Variants in ABLIM3 observed in about 807,000 individuals in gnomAD.
The protein encoded by ABLIM3 is actin-binding LIM protein 3.
Under a neutral mutation model 109.5 loss-of-function variants are expected in ABLIM3, and 61 were observed. That is an observed-to-expected ratio of 0.56 (90% CI 0.45 to 0.69). The LOEUF (loss-of-function observed/expected upper bound fraction) is 0.69, where lower values mean the gene tolerates loss of function less well. Among genes scored for constraint, ABLIM3 ranks in the 30% least tolerant of loss-of-function variants. The probability of loss-of-function intolerance (pLI) is 0.00; values close to 1 mark genes in which losing one functional copy is unlikely to be tolerated. For synonymous variants in ABLIM3, 300 were observed against 324.8 expected (o/e 0.92, Z 0.82); for missense variants, 796 against 889.5 (o/e 0.89, Z 1.34).
rs2918265 is a variant in ABLIM3 at position 149,230,713 on chromosome 5, C to G, written c.816+6C>G. The stretch of plus-strand genomic sequence containing the variant: ...GGGCAGAGAAGAAGTTAAAGGTAAG[C>G]AAGCTAGTAGATTCCAGACCAGCAC... On this transcript the variant is annotated splice_donor_region_variant and intron_variant, in intron 9 of 23. Coordinates refer to ENST00000309868, the MANE Select transcript of ABLIM3 (RefSeq NM_014945.5). 18 of 1,613,586 alleles carry G rather than the reference C, an allele frequency of 1.1e-5. No individual in the cohort carries two copies. Among genetic ancestry groups the G allele is most frequent in the Non-Finnish European group, 1.4e-5 (17 of 1,179,830 alleles).
chr5:149,248,440 C>T (rs1188104906), intron 18 of ABLIM3, among the ~76,000 whole-genome samples: 1 of 152,026 alleles, frequency 6.6e-6, no homozygotes, highest in Non-Finnish European at 1.5e-5. Flanking sequence ...GACTGTAATC[C>T]CAGCACTTTA....
intron 8 of ABLIM3, among the ~76,000 whole-genome samples, chr5:149,225,436 A>T (rs530563142): frequency 7.5e-4 from 114 of 152,272 alleles, no homozygotes; most frequent in Non-Finnish European, 1.3e-3. Context: ...CTGGCTTCTC[A>T]CCCTGAGAAT....
chr5:149,164,089 A>G (rs1417813081), intron 2 of ABLIM3: 2 of 152,176 alleles, frequency 1.3e-5, no homozygotes, highest in African/African-American at 4.8e-5. Flanking sequence ...AAAGTTGCAT[A>G]ACCATTTGAC....
chr5:149,239,974 G>T (rs945949932), intron 13 of ABLIM3, 86 bp downstream of exon 13: 2 of 1,472,828 alleles, frequency 1.4e-6, no homozygotes, highest in Non-Finnish European at 1.8e-6. Context: ...AGGGCACAAG[G>T]CTCCCCCATG....
chr5:149,234,967 T>G (rs920222909), intron 10 of ABLIM3, among the ~76,000 whole-genome samples: 5 of 152,170 alleles, frequency 3.3e-5, no homozygotes, highest in Admixed American at 2.6e-4. Flanking sequence ...TGGAGAAAGA[T>G]TCCCAGAATT....
chr5:149,141,737 C>A (rs548610473), intron 1 of ABLIM3, 83 bp downstream of exon 1: 16 of 292,158 alleles, frequency 5.5e-5, no homozygotes, highest in South Asian at 1.6e-4. Context: ...GTCCACACCC[C>A]CTTTGGGCTC....
Position 149,240,717 on chromosome 5 carries a change from G to T in ABLIM3, c.1246G>T (p.Asp416Tyr). ...GRSSPYHSQLDVRSSTPTSYQ... is the reference protein window; with the variant it reads ...GRSSPYHSQLYVRSSTPTSYQ... ...GAGCTCTCCATACCATAGCCAGTTAGATGTGAGGTCCTCCACTCCAACCTC... is the reference window on the plus strand; with the variant it reads ...GAGCTCTCCATACCATAGCCAGTTATATGTGAGGTCCTCCACTCCAACCTC... Residue 416 changes from aspartate to tyrosine, a missense_variant, in exon 14 of 24, where the codon GAT becomes TAT. By Grantham distance (160) the Asp-to-Tyr change is radical (BLOSUM62 -3). Coordinates refer to ENST00000309868, the MANE Select transcript of ABLIM3 (RefSeq NM_014945.5). The T allele has an allele frequency of 1.9e-6, 3 of 1,614,160 alleles. No homozygotes were observed. Among genetic ancestry groups the T allele is most frequent in the Non-Finnish European group, 2.5e-6 (3 of 1,180,044 alleles).
At chr5:149,230,772 G>A in intron 9 of ABLIM3, 65 bp downstream of exon 9, 1 of 1,576,932 alleles carries the variant, frequency 6.3e-7, no homozygotes, top group Non-Finnish European at 8.7e-7. Context: ...CAGGCTAAGG[G>A]AGCTGTGCTT....
At chr5:149,220,657 G>T in intron 8 of ABLIM3, 1 of 152,238 alleles carries the variant, frequency 6.6e-6, no homozygotes, top group Non-Finnish European at 1.5e-5. Flanking sequence ...CCCAGAATTG[G>T]CAAGAAAACC....
chr5:149,200,570 C>T (rs1323460288), intron 5 of ABLIM3, 142 bp downstream of exon 5: 3 of 749,528 alleles, frequency 4.0e-6, no homozygotes, highest in East Asian at 5.4e-5. Context: ...ATCATGACCC[C>T]ATTGGCATGT....
At chr5:149,141,738 C>T (rs887335505) in intron 1 of ABLIM3, 84 bp downstream of exon 1, 2 of 294,690 alleles carry the variant, frequency 6.8e-6, no homozygotes, top group African/African-American at 4.4e-5. Context: ...TCCACACCCC[C>T]TTTGGGCTCC....
chr5:149,233,283 C>A lies in ABLIM3; in HGVS notation c.871C>A (p.Pro291Thr). The A allele has an allele frequency of 1.9e-6, 3 of 1,614,172 alleles. No homozygotes were observed. Among genetic ancestry groups the A allele is most frequent in the Non-Finnish European group, 2.5e-6 (3 of 1,180,004 alleles). Residue 291 changes from proline (P) to threonine (T), a missense_variant, in exon 10 of 24, where the codon CCC becomes ACC. Pro to Thr is a conservative substitution (Grantham distance 38, BLOSUM62 -1). Transcript: ENST00000309868. ...ISPPGSSIGS[P>T]NRVICAKVDN... The stretch of plus-strand genomic sequence containing the variant: ...ACCCCCTGGATCCAGCATTGGGTCA[C>A]CCAACCGAGTCATCTGCGTATGTAT...
chr5:149,148,160 A>G (rs1028143318), intron 2 of ABLIM3, among the ~76,000 whole-genome samples: 7 of 152,232 alleles, frequency 4.6e-5, no homozygotes, highest in Non-Finnish European at 8.8e-5. Flanking sequence ...AAACAAGAGC[A>G]TGCTTAGTCA....
At chr5:149,170,973 C>A (rs1755360819) in intron 2 of ABLIM3, among the ~76,000 whole-genome samples, 1 of 152,200 alleles carries the variant, frequency 6.6e-6, no homozygotes, top group African/African-American at 2.4e-5. Context: ...CTCCATGGTA[C>A]TTTCCCTAAT....
At chr5:149,252,884 C>T (rs1754071018) in intron 23 of ABLIM3, 47 bp downstream of exon 23, 2 of 1,480,322 alleles carry the variant, frequency 1.4e-6, no homozygotes, top group South Asian at 1.1e-5. Flanking sequence ...GAAGAAATTT[C>T]AGAAGTTGCT....
intron 7 of ABLIM3, among the ~76,000 whole-genome samples, chr5:149,212,999 G>A (rs1221416445): frequency 3.9e-5 from 6 of 152,254 alleles, no homozygotes; most frequent in East Asian, 1.9e-4. Flanking sequence ...GGTGGTGCAC[G>A]CTTGTAGTCC....
intron 10 of ABLIM3, among the ~76,000 whole-genome samples, chr5:149,235,633 A>T (rs938820637): frequency 3.3e-5 from 5 of 152,248 alleles, no homozygotes; most frequent in Non-Finnish European, 7.3e-5. Flanking sequence ...AGTTTGGAAG[A>T]TGCCAAGAGC....
Position 149,259,445 on chromosome 5 carries a change from A to G in ABLIM3, c.*1041A>G. 6.6e-7 allele frequency: 1 copy of G among 1,525,128 alleles called. No homozygotes were observed. 94.5% of individuals were successfully genotyped at this position (1,525,128 alleles called of 1,614,324 possible). On this transcript the variant is annotated 3_prime_UTR_variant, in exon 24 of 24. Transcript: ENST00000309868. Reference sequence around the variant, plus strand: ...AGAAAATAGGCCGTGTCTCAAAGAAAGGTTCTTGGTCTATGCCTCTGGTCT... The same window carrying G: ...AGAAAATAGGCCGTGTCTCAAAGAAGGGTTCTTGGTCTATGCCTCTGGTCT...
intron 2 of ABLIM3, among the ~76,000 whole-genome samples, chr5:149,174,021 CAAAAAAAA>C (rs57000637): frequency 2.5e-5 from 1 of 40,216 alleles, no homozygotes; most frequent in African/African-American, 8.9e-5. Context: ...GACTCCGTCT[CAAAAAAAA>C]AAAAAAAAAA....
Sources: gnomAD v4.1 joint callset for allele counts (sites outside exome capture counted in the v4.1 genomes callset) on GRCh38, gnomAD v4.1.1 for gene constraint, MANE v1.5 for transcripts, NCBI Gene and HGNC (gene_info 2026-07-23, HGNC 2026-07-21) for gene names.